The following KCNAB1 variants were observed in gnomAD, a reference collection of about 807,000 sequenced individuals.
KCNAB1 encodes voltage-gated potassium channel subunit beta-1.
A neutral mutation model predicts 64.6 loss-of-function variants in KCNAB1; 35 were observed. That is an observed-to-expected ratio of 0.54 (90% CI 0.41 to 0.72). The LOEUF (loss-of-function observed/expected upper bound fraction) is 0.72, where lower values mean the gene tolerates loss of function less well. Among genes scored for constraint, KCNAB1 ranks in the 30% least tolerant of loss-of-function variants. The probability of loss-of-function intolerance (pLI) is 0.00; values close to 1 mark genes in which losing one functional copy is unlikely to be tolerated. For missense variants in KCNAB1, 401 were observed against 512.9 expected, an observed-to-expected ratio of 0.78 and a Z score of 2.11; for synonymous variants, 177 against 183.8, an observed-to-expected ratio of 0.96 and a Z score of 0.30.
chr3:156,538,218 TCTC>T lies in KCNAB1; in HGVS notation c.*1472_*1474del, dbSNP rs1719197711. On this transcript the variant is annotated 3_prime_UTR_variant, in exon 14 of 14. Coordinates refer to ENST00000490337, the MANE Select transcript of KCNAB1 (RefSeq NM_172160.3). ...TTGGCTATCTGAGGATGTACAAAAT[TCTC>T]ATTTAATTTTCTGGTCAGCAAGTTC... 6.6e-6 allele frequency: 1 copy of T among 152,092 alleles called. No homozygotes were observed. The highest frequency in any genetic ancestry group is 2.4e-5 in the African/African-American group (1 of 41,406). 9.4% of individuals were successfully genotyped at this position (152,092 alleles called of 1,614,324 possible).
At chr3:156,125,302 A>G (rs1713590158) in intron 1 of KCNAB1, among the ~76,000 whole-genome samples, 1 of 152,202 alleles carries the variant, frequency 6.6e-6, no homozygotes, top group Non-Finnish European at 1.5e-5. Flanking sequence ...GGATGACTCC[A>G]AAAATCCCCA....
In KCNAB1 at chr3:156,398,517, C is replaced by T. The variant is rs997224279; in HGVS notation, c.276-23099C>T. Among the ~76,000 whole-genome samples the T allele has an allele frequency of 2.8e-5, 4 of 143,912 alleles. 1 individual carries two copies. The highest frequency in any genetic ancestry group is 8.0e-5 in the African/African-American group (3 of 37,518). 94.4% of individuals were successfully genotyped at this position (143,912 alleles called of 152,430 possible). ...TGAGGCAGGAGAATGGCATGAACCC[C>T]GGGGGGCGGAGCCTGCAGTGAGCCG... On this transcript the variant is annotated intron_variant, in intron 1 of 13. Coordinates refer to ENST00000490337, the MANE Select transcript of KCNAB1 (RefSeq NM_172160.3).
chr3:156,316,813 C>G (rs985298572), intron 1 of KCNAB1, among the ~76,000 whole-genome samples: 1 of 152,154 alleles, frequency 6.6e-6, no homozygotes, highest in African/African-American at 2.4e-5. Context: ...CTCTGGGAAC[C>G]TGACAGAAGC....
intron 1 of KCNAB1, among the ~76,000 whole-genome samples, chr3:156,362,030 C>A (rs1213044942): frequency 6.6e-6 from 1 of 152,168 alleles, no homozygotes; most frequent in Admixed American, 6.5e-5. Flanking sequence ...GTTCTAGGAA[C>A]TTAAAATACA....
At chr3:156,149,368 T>C (rs953085378) in intron 1 of KCNAB1, among the ~76,000 whole-genome samples, 3 of 152,022 alleles carry the variant, frequency 2.0e-5, no homozygotes, top group East Asian at 1.9e-4. Flanking sequence ...CGGACTATCA[T>C]AGAAGCAGGA....
At chr3:156,183,244 A>G (rs1200109796) in intron 1 of KCNAB1, among the ~76,000 whole-genome samples, 2 of 152,088 alleles carry the variant, frequency 1.3e-5, no homozygotes, top group Non-Finnish European at 2.9e-5. Context: ...TAGGAGGATC[A>G]GAAGGGTGCA....
chr3:156,227,049 T>G (rs1243168990), intron 1 of KCNAB1, among the ~76,000 whole-genome samples: 1 of 152,240 alleles, frequency 6.6e-6, no homozygotes, highest in Non-Finnish European at 1.5e-5. Flanking sequence ...CTATAGATTT[T>G]TTACAAAGCT....
At chr3:156,376,280 G>A (rs1711655800) in intron 1 of KCNAB1, among the ~76,000 whole-genome samples, 2 of 152,222 alleles carry the variant, frequency 1.3e-5, no homozygotes, top group South Asian at 4.1e-4. Context: ...GAGAGCAACA[G>A]TGGAAGGCAC....
At chr3:156,433,372 G>A (rs1425432421) in intron 2 of KCNAB1, among the ~76,000 whole-genome samples, 1 of 152,178 alleles carries the variant, frequency 6.6e-6, no homozygotes, top group East Asian at 1.9e-4. Context: ...TTTATGGAAT[G>A]ACGAGTGAAA....
chr3:156,262,796 G>A (rs1718501297), intron 1 of KCNAB1, among the ~76,000 whole-genome samples: 1 of 151,546 alleles, frequency 6.6e-6, no homozygotes, highest in Non-Finnish European at 1.5e-5. Context: ...TCTGAGCCTG[G>A]GCTTTTCTTT....
chr3:156,443,775 C>T (rs956139932), intron 2 of KCNAB1, among the ~76,000 whole-genome samples: 1 of 143,874 alleles, frequency 7.0e-6, no homozygotes, highest in African/African-American at 2.8e-5. Flanking sequence ...CACACACACA[C>T]ACACACTATT....
chr3:156,120,938 T>C (rs1713307574), intron 1 of KCNAB1, 52 bp downstream of exon 1: 1 of 1,590,796 alleles, frequency 6.3e-7, no homozygotes, highest in Non-Finnish European at 8.6e-7. Flanking sequence ...TCGAAGGTGC[T>C]CTGGAGAATG....
At chr3:156,288,937 C>G (rs1431217337) in intron 1 of KCNAB1, among the ~76,000 whole-genome samples, 5 of 152,172 alleles carry the variant, frequency 3.3e-5, no homozygotes, top group African/African-American at 1.2e-4. Flanking sequence ...TCCTTCCTTT[C>G]TTCCTCCCTC....
intron 1 of KCNAB1, among the ~76,000 whole-genome samples, chr3:156,339,939 C>T (rs1034687252): frequency 6.6e-6 from 1 of 152,172 alleles, no homozygotes; most frequent in Non-Finnish European, 1.5e-5. Context: ...TCCTCTTGCC[C>T]ATGATGGTAG....
intron 1 of KCNAB1, among the ~76,000 whole-genome samples, chr3:156,270,385 CT>C (rs1718962461): frequency 6.7e-6 from 1 of 150,194 alleles, no homozygotes; most frequent in Non-Finnish European, 1.5e-5. Flanking sequence ...TTCTGTGTTC[CT>C]TTTAGTGAAG....
intron 11 of KCNAB1, among the ~76,000 whole-genome samples, chr3:156,517,055 A>C (rs145474484): frequency 9.8e-5 from 15 of 152,364 alleles, no homozygotes; most frequent in Admixed American, 7.8e-4. Context: ...TAAAAACTTG[A>C]GAGAATGTGT....
chr3:156,210,598 G>T (rs1162790206), intron 1 of KCNAB1, among the ~76,000 whole-genome samples: 1 of 152,214 alleles, frequency 6.6e-6, no homozygotes, highest in African/African-American at 2.4e-5. Flanking sequence ...CATGCTGAGA[G>T]CAGCCATGCT....
chr3:156,340,324 AAG>A (rs1471921908), intron 1 of KCNAB1, among the ~76,000 whole-genome samples: 1 of 152,236 alleles, frequency 6.6e-6, no homozygotes, highest in Admixed American at 6.5e-5. Context: ...TTCCTTCTGA[AAG>A]AGAGAAAAAT....
chr3:156,473,327 G>A (rs1011883038), intron 7 of KCNAB1, among the ~76,000 whole-genome samples: 4 of 152,180 alleles, frequency 2.6e-5, no homozygotes, highest in African/African-American at 9.6e-5. Context: ...GCATGCTAGA[G>A]TGCAGATTTC....
Sources: allele counts gnomAD v4.1 joint callset (sites outside exome capture counted in the v4.1 genomes callset), GRCh38; gene constraint gnomAD v4.1.1; transcripts MANE v1.5; gene names NCBI Gene and HGNC (gene_info 2026-07-23, HGNC 2026-07-21).